ELP1: variants seen among roughly 807,000 people sequenced by gnomAD.
ELP1 encodes elongator complex protein 1.
Under a neutral mutation model 183.2 loss-of-function variants are expected in ELP1, and 131 were observed. The ratio of observed to expected loss-of-function variants is 0.72; its 90% CI spans 0.62 to 0.83. The LOEUF (loss-of-function observed/expected upper bound fraction) is 0.83. Among genes scored for constraint, ELP1 ranks in the 40% least tolerant of loss-of-function variants. ELP1 has a pLI of 0.00. For synonymous variants in ELP1, 555 were observed against 569.0 expected, an observed-to-expected ratio of 0.98 and a Z score of 0.35; for missense variants, 1,550 against 1,594.9, an observed-to-expected ratio of 0.97 and a Z score of 0.48.
At position 108,878,789 on chromosome 9, in the gene ELP1, T is replaced by C. The variant is rs747124626; in HGVS notation, c.3573-39A>G. 3.7e-6 allele frequency: 6 copies of C among 1,610,328 alleles called. No homozygotes were observed. The East Asian group carries it at 8.9e-5, about 24-fold the overall frequency. On this transcript the variant is annotated intron_variant, in intron 33 of 36. Coordinates refer to ENST00000374647, the MANE Select transcript of ELP1 (RefSeq NM_003640.5). ...CACAGATATTTTTAAGCCTCCTGAG[T>C]AGCTAGGACTACAGGCATGTGCTAC...
rs982823319 is a variant in ELP1, at chr9:108,932,685, T to A, written c.-56+1179A>T. Among the ~76,000 whole-genome samples, 15 of 151,964 alleles carry A rather than the reference T, an allele frequency of 9.9e-5. 1 individual carries two copies. Among genetic ancestry groups the A allele is most frequent in the Non-Finnish European group, 2.1e-4 (14 of 67,974 alleles). On this transcript the variant is annotated intron_variant, in intron 1 of 36. Transcript: ENST00000374647. ...CATCATAAAAACGCCTCAAAACTAG[T>A]TTCTCTGAAATTTCACACCCATCAG...
chr9:108,922,837 C>T lies in ELP1; in HGVS notation c.552+5G>A, dbSNP rs1829694262. On this transcript the variant is annotated splice_donor_5th_base_variant and intron_variant, in intron 6 of 36. Transcript: ENST00000374647. ...AAGGCTTTTTATCCATCAAACCAAA[C>T]TTACCATTTGCATCTGAAAAGCTGC... The T allele has an allele frequency of 6.2e-7, 1 of 1,611,256 alleles. No homozygotes were observed. Among genetic ancestry groups the T allele is most frequent in the Non-Finnish European group, 8.5e-7 (1 of 1,177,520 alleles).
chr9:108,911,202 A>C (rs1829211545), intron 11 of ELP1, 22 bp from the exon 12 acceptor site: 1 of 1,612,280 alleles, frequency 6.2e-7, no homozygotes, highest in African/African-American at 1.3e-5. Flanking sequence ...AAGAAAGAAG[A>C]GGATTAGACC....
At chr9:108,931,230 G>T in intron 1 of ELP1, 29 bp from the exon 2 acceptor site, 2 of 1,238,268 alleles carry the variant, frequency 1.6e-6, no homozygotes, top group Non-Finnish European at 2.4e-6. Context: ...GCTTAATAGT[G>T]ATAAATGACC....
At chr9:108,921,660 T>A (rs1047303273) in intron 6 of ELP1, among the ~76,000 whole-genome samples, 1 of 152,064 alleles carries the variant, frequency 6.6e-6, no homozygotes, top group Non-Finnish European at 1.5e-5. Flanking sequence ...TTGTAGTGGA[T>A]CACCCCCAAA....
chr9:108,908,915 C>T lies in ELP1; in HGVS notation c.1361-511G>A, dbSNP rs981134589. ...CACTCTGAACTCACCCACCACCTTC[C>T]CCTCCTTTGCTCTGCTGCAGCCACC... On this transcript the variant is annotated intron_variant, in intron 12 of 36. Coordinates refer to ENST00000374647, the MANE Select transcript of ELP1 (RefSeq NM_003640.5). Among the ~76,000 whole-genome samples the T allele has an allele frequency of 1.4e-4, 22 of 152,146 alleles. 1 individual carries two copies. The highest frequency in any genetic ancestry group is 4.4e-5 in the Non-Finnish European group (3 of 68,026).
chr9:108,911,274 G>A (rs1829214600), intron 11 of ELP1, 94 bp from the exon 12 acceptor site: 6 of 1,168,026 alleles, frequency 5.1e-6, no homozygotes. Context: ...AACAATAATG[G>A]CAATTCACAA....
intron 29 of ELP1, among the ~76,000 whole-genome samples, chr9:108,883,554 T>G (rs1243078755): frequency 3.6e-5 from 1 of 27,418 alleles, no homozygotes; most frequent in Admixed American, 5.1e-4. Context: ...AAATACTGAA[T>G]CTTTTGGAAA....
intron 25 of ELP1, among the ~76,000 whole-genome samples, chr9:108,894,915 T>C (rs921645985): frequency 6.6e-6 from 1 of 152,110 alleles, no homozygotes; most frequent in Non-Finnish European, 1.5e-5. Flanking sequence ...TAATGCAATT[T>C]CCCTGGGCTG....
chr9:108,882,950 A>C (rs977191323), intron 29 of ELP1, among the ~76,000 whole-genome samples: 1 of 152,164 alleles, frequency 6.6e-6, no homozygotes, highest in African/African-American at 2.4e-5. Flanking sequence ...CTGGATATTA[A>C]ACCTTTATCA....
chr9:108,879,647 A>T (rs1266646352), intron 32 of ELP1, 90 bp from the exon 33 acceptor site: 16 of 830,248 alleles, frequency 1.9e-5, no homozygotes, highest in Non-Finnish European at 3.3e-5. Flanking sequence ...ACTAGAGTCA[A>T]CTGGTGCATA....
In ELP1 at chr9:108,924,528, A is replaced by G. The variant is rs188842355; in HGVS notation, c.467-1601T>C. On this transcript the variant is annotated intron_variant, in intron 5 of 36. Transcript: ENST00000374647. ...CAGGCCCAGAGCACTTTCCCATCCCAAAGTATACTGTGTGCTGTTACTCTC... is the reference window on the plus strand; with the variant it reads ...CAGGCCCAGAGCACTTTCCCATCCCGAAGTATACTGTGTGCTGTTACTCTC... Among the ~76,000 whole-genome samples, 10 of 152,206 alleles carry G rather than the reference A, an allele frequency of 6.6e-5. No homozygotes were observed. In the East Asian group the frequency reaches 1.9e-3, roughly 29 times the overall value.
At position 108,878,661 on chromosome 9, in the gene ELP1, G is replaced by A. The variant is rs1455139749; in HGVS notation, c.3662C>T (p.Ala1221Val). 6.2e-7 allele frequency: 1 copy of A among 1,614,210 alleles called. No individual in the cohort carries two copies. The highest frequency in any genetic ancestry group is 8.5e-7 in the Non-Finnish European group (1 of 1,180,022). ...SPLEDLALLE[A>V]LSEVVQNTEN... ...AGTGTTCTGCACCACTTCACTCAGT[G>A]CCTCCAGGAGGGCCAGGTCCTCCAG... Residue 1221 changes from alanine (A) to valine (V), a missense_variant, in exon 34 of 37, where the codon GCA becomes GTA. Ala to Val is a moderately conservative substitution (Grantham distance 64, BLOSUM62 0). Transcript: ENST00000374647.
chr9:108,879,605 G>T (rs1191751246), intron 32 of ELP1, 48 bp from the exon 33 acceptor site: 6 of 1,357,324 alleles, frequency 4.4e-6, no homozygotes, highest in Non-Finnish European at 6.3e-6. Flanking sequence ...CTGCTAATGT[G>T]TGGGTTTACT....
At chr9:108,889,497 G>T in intron 28 of ELP1, 104 bp from the exon 29 acceptor site, 8 of 1,056,758 alleles carry the variant, frequency 7.6e-6, no homozygotes, top group Non-Finnish European at 1.0e-5. Context: ...TGTACTTTCT[G>T]AATTTCTGTG....
At chr9:108,912,752 C>CATTTT (rs764644713) in intron 10 of ELP1, among the ~76,000 whole-genome samples, 4 of 140,820 alleles carry the variant, frequency 2.8e-5, no homozygotes, top group Admixed American at 7.0e-5. Flanking sequence ...TGTTTATTTT[C>CATTTT]GTTTTTTTTT....
intron 11 of ELP1, among the ~76,000 whole-genome samples, chr9:108,911,452 G>C (rs1829222032): frequency 6.6e-6 from 1 of 152,132 alleles, no homozygotes; most frequent in Admixed American, 6.5e-5. Flanking sequence ...AAGGCCAAGA[G>C]GTCAGACCTC....
intron 18 of ELP1, among the ~76,000 whole-genome samples, chr9:108,900,772 G>A (rs147271757): frequency 1.1e-3 from 158 of 149,010 alleles, no homozygotes; most frequent in African/African-American, 3.7e-3. Context: ...ACACATACAC[G>A]CCACACACAC....
chr9:108,921,649 G>A (rs1307636778), intron 6 of ELP1, among the ~76,000 whole-genome samples: 1 of 151,566 alleles, frequency 6.6e-6, no homozygotes, highest in Non-Finnish European at 1.5e-5. Flanking sequence ...AAGCTGGGCA[G>A]TTGTAGTGGA....
Sources: allele counts gnomAD v4.1 joint callset (sites outside exome capture counted in the v4.1 genomes callset), GRCh38; gene constraint gnomAD v4.1.1; transcripts MANE v1.5; gene names NCBI Gene and HGNC (gene_info 2026-07-23, HGNC 2026-07-21).